AGBL4: variants seen among roughly 807,000 people sequenced by gnomAD.
AGBL4 encodes the protein AGBL carboxypeptidase 4.
In AGBL4, 58 loss-of-function variants were observed where a neutral mutation model predicts 66.4. The observed-to-expected ratio is 0.87, with a 90% CI of 0.71 to 1.09. AGBL4 has a LOEUF of 1.09. AGBL4 is among the 50% of genes least tolerant of loss of function. The pLI, the probability that AGBL4 is intolerant of heterozygous loss-of-function variation, is 0.00. For synonymous variants in AGBL4, 234 were observed against 222.9 expected (o/e 1.05, Z -0.44); for missense variants, 579 against 631.0 (o/e 0.92, Z 0.88).
chr1:49,448,793 A>G (rs1192911520), intron 3 of AGBL4, among the ~76,000 whole-genome samples: 3 of 152,222 alleles, frequency 2.0e-5, no homozygotes, highest in Non-Finnish European at 4.4e-5. Flanking sequence ...AGACTGAGGT[A>G]GAACAATTAA....
At chr1:48,547,123 C>T (rs1644176715) in intron 11 of AGBL4, among the ~76,000 whole-genome samples, 1 of 151,926 alleles carries the variant, frequency 6.6e-6, no homozygotes, top group Non-Finnish European at 1.5e-5. Context: ...GGCTAGATCA[C>T]CAAGAACTCT....
chr1:49,921,791 C>T lies in AGBL4; in HGVS notation c.35-70273G>A, dbSNP rs952362747. The stretch of plus-strand genomic sequence containing the variant: ...AGAAGACTAAGCAAGCCAGCATATC[C>T]CACCTTATTCTGCCTACTTTGCTCT... On this transcript the variant is annotated intron_variant, in intron 1 of 13. Transcript: ENST00000371839. Among the ~76,000 whole-genome samples, 5 of 152,170 alleles carry T rather than the reference C, an allele frequency of 3.3e-5. 1 individual carries two copies. Among genetic ancestry groups the T allele is most frequent in the African/African-American group, 9.7e-5 (4 of 41,434 alleles).
intron 3 of AGBL4, among the ~76,000 whole-genome samples, chr1:49,490,816 C>T (rs1223139420): frequency 6.6e-6 from 1 of 151,616 alleles, no homozygotes; most frequent in African/African-American, 2.4e-5. Flanking sequence ...TTTATTTTAA[C>T]ATGCTATAAC....
chr1:50,012,366 T>C (rs950067534), intron 1 of AGBL4, among the ~76,000 whole-genome samples: 6 of 152,146 alleles, frequency 3.9e-5, no homozygotes, highest in African/African-American at 1.2e-4. Flanking sequence ...AGATTCTAAC[T>C]CAAAGGATAA....
chr1:48,628,917 A>T (rs1645548080), intron 9 of AGBL4, among the ~76,000 whole-genome samples: 1 of 146,608 alleles, frequency 6.8e-6, no homozygotes, highest in African/African-American at 2.5e-5. Context: ...ACTGCCTGGA[A>T]TTAAAATTTC....
At chr1:49,283,438 A>T (rs866372631) in intron 3 of AGBL4, among the ~76,000 whole-genome samples, 4 of 152,264 alleles carry the variant, frequency 2.6e-5, no homozygotes, top group African/African-American at 7.2e-5. Flanking sequence ...GAACAGAAAA[A>T]CGAAACTCTA....
At chr1:49,154,517 A>G (rs533884084) in intron 4 of AGBL4, among the ~76,000 whole-genome samples, 1 of 152,256 alleles carries the variant, frequency 6.6e-6, no homozygotes, top group South Asian at 2.1e-4. Flanking sequence ...GAGAATCGTT[A>G]AGTCTAGAAT....
At chr1:49,749,788 G>A (rs1450843237) in intron 2 of AGBL4, among the ~76,000 whole-genome samples, 2 of 152,250 alleles carry the variant, frequency 1.3e-5, no homozygotes, top group South Asian at 2.1e-4. Context: ...CCCAATGTGT[G>A]TATGTAGAGT....
At chr1:49,804,864 G>A (rs1052082417) in intron 2 of AGBL4, among the ~76,000 whole-genome samples, 17 of 152,250 alleles carry the variant, frequency 1.1e-4, no homozygotes, top group African/African-American at 3.8e-4. Flanking sequence ...ATCCCTAGAT[G>A]CATAACAAAC....
At chr1:49,842,177 T>G in intron 2 of AGBL4, 1 of 417,146 alleles carries the variant, frequency 2.4e-6, no homozygotes, top group Non-Finnish European at 4.6e-6. Flanking sequence ...GCATGTGACC[T>G]TTGAGGACAT....
rs537506429 is a variant in AGBL4, at chr1:49,308,803, A to G, written c.283-62939T>C. ...AGTGATGCAAGAGGCTGACGTTTAG[A>G]CTAGCACAGGTGGGAGGCTAGGAGA... is the stretch of plus-strand genomic sequence containing the variant. On this transcript the variant is annotated intron_variant, in intron 3 of 13. Transcript: ENST00000371839. Among the ~76,000 whole-genome samples, 280 of 152,286 alleles carry G rather than the reference A, an allele frequency of 1.8e-3. 2 individuals are homozygous for G. The highest frequency in any genetic ancestry group is 6.4e-3 in the African/African-American group (265 of 41,566).
intron 5 of AGBL4, among the ~76,000 whole-genome samples, chr1:48,884,151 TG>T (rs2148846699): frequency 6.6e-6 from 1 of 152,340 alleles, no homozygotes; most frequent in African/African-American, 2.4e-5. Flanking sequence ...AAATGCCTAT[TG>T]TTTTTCAGGC....
intron 6 of AGBL4, among the ~76,000 whole-genome samples, chr1:48,808,446 A>G (rs559159576): frequency 6.6e-6 from 1 of 152,336 alleles, no homozygotes; most frequent in South Asian, 2.1e-4. Flanking sequence ...AGAAGCTGTC[A>G]GACCTAACTT....
intron 1 of AGBL4, among the ~76,000 whole-genome samples, chr1:49,954,128 C>G (rs1656393438): frequency 6.6e-6 from 1 of 151,888 alleles, no homozygotes; most frequent in African/African-American, 2.4e-5. Flanking sequence ...CTCCTGGCCT[C>G]AAGCAATCTC....
chr1:49,700,980 T>C (rs1419177885), intron 2 of AGBL4, among the ~76,000 whole-genome samples: 2 of 152,152 alleles, frequency 1.3e-5, no homozygotes, highest in African/African-American at 4.8e-5. Context: ...ATGTGAAAGT[T>C]TGATACTTTG....
chr1:49,110,496 A>T (rs1645384828), intron 4 of AGBL4, among the ~76,000 whole-genome samples: 1 of 152,180 alleles, frequency 6.6e-6, no homozygotes, highest in African/African-American at 2.4e-5. Flanking sequence ...GGGTAGGAGC[A>T]TCCTCTTATT....
At chr1:49,173,332 A>G (rs1305242925) in intron 4 of AGBL4, among the ~76,000 whole-genome samples, 1 of 152,216 alleles carries the variant, frequency 6.6e-6, no homozygotes, top group Non-Finnish European at 1.5e-5. Flanking sequence ...ACTGATTGGA[A>G]TACAGCTCAA....
chr1:49,611,394 T>G (rs1571169312), intron 3 of AGBL4, among the ~76,000 whole-genome samples: 1 of 147,884 alleles, frequency 6.8e-6, no homozygotes, highest in East Asian at 2.0e-4. Flanking sequence ...TTTTTTTTTT[T>G]GAGATGGAGT....
At chr1:48,615,105 G>GGA (rs763445721) in intron 9 of AGBL4, among the ~76,000 whole-genome samples, 6 of 152,130 alleles carry the variant, frequency 3.9e-5, no homozygotes, top group Non-Finnish European at 8.8e-5. Flanking sequence ...GCAAGTGCAG[G>GGA]GATGGGTAGG....
Sources: gnomAD v4.1 joint callset for allele counts (sites outside exome capture counted in the v4.1 genomes callset) on GRCh38, gnomAD v4.1.1 for gene constraint, MANE v1.5 for transcripts, NCBI Gene and HGNC (gene_info 2026-07-23, HGNC 2026-07-21) for gene names.